The following IGSF11 variants were observed in gnomAD, a reference collection of about 807,000 sequenced individuals.
IGSF11 encodes immunoglobulin superfamily member 11.
IGSF11 carries 22 observed loss-of-function variants against 41.0 expected under a neutral mutation model. The ratio of observed to expected loss-of-function variants is 0.54; its 90% CI spans 0.38 to 0.77. The LOEUF (loss-of-function observed/expected upper bound fraction) is 0.77, where lower values mean the gene tolerates loss of function less well. Among genes scored for constraint, IGSF11 ranks in the 30% least tolerant of loss-of-function variants. The pLI is 0.00. For missense variants in IGSF11, 444 were observed against 530.8 expected (o/e 0.84, Z 1.61); for synonymous variants, 219 against 201.3 (o/e 1.09, Z -0.74).
chr3:118,976,502 G>C (rs528349039), intron 1 of IGSF11, among the ~76,000 whole-genome samples: 2 of 152,272 alleles, frequency 1.3e-5, no homozygotes, highest in South Asian at 4.1e-4. Flanking sequence ...TCTCAAAGTA[G>C]GAATCTACCA....
At chr3:119,074,607 G>A (rs1430502980) in intron 1 of IGSF11, among the ~76,000 whole-genome samples, 1 of 151,228 alleles carries the variant, frequency 6.6e-6, no homozygotes, top group Non-Finnish European at 1.5e-5. Context: ...TGTAATCCCA[G>A]CACTTTGGGA....
chr3:118,982,838 G>A lies in IGSF11; in HGVS notation c.52+51693C>T, dbSNP rs115420846. 7.4e-3 allele frequency among the ~76,000 whole-genome samples: 1,119 copies of A among 152,158 alleles called. 25 individuals are homozygous for A. Among genetic ancestry groups the A allele is most frequent in the African/African-American group, 0.025 (1,047 of 41,506 alleles). On this transcript the variant is annotated intron_variant, in intron 1 of 6. Coordinates refer to ENST00000393775, the MANE Select transcript of IGSF11 (RefSeq NM_001015887.3). ...GCCTTGACAGCACAATGACAAACTC[G>A]CAGCAGTTTTACACAAAGTTTATTT...
chr3:118,933,092 T>C (rs1486330609), intron 1 of IGSF11, among the ~76,000 whole-genome samples: 1 of 152,236 alleles, frequency 6.6e-6, no homozygotes, highest in Non-Finnish European at 1.5e-5. Flanking sequence ...AAAGGCCAAC[T>C]TCACTTACTT....
intron 1 of IGSF11, among the ~76,000 whole-genome samples, chr3:119,101,368 G>C (rs538367948): frequency 9.9e-5 from 15 of 152,150 alleles, no homozygotes; most frequent in Middle Eastern, 3.4e-3. Flanking sequence ...AATTAGCCAA[G>C]CGTGGTGGCG....
Position 119,137,553 on chromosome 3 carries a change from A to G in IGSF11, c.-14+8260T>C, listed in dbSNP as rs1201275911. Among the ~76,000 whole-genome samples the G allele has an allele frequency of 2.0e-5, 3 of 152,296 alleles. No homozygotes were observed. The East Asian group carries it at 5.8e-4, about 29-fold the overall frequency. The stretch of plus-strand genomic sequence containing the variant: ...TGAAACTGGACTCCTATCTCTCACC[A>G]TATAAAAGAATCAAATCAAAATTAA... On this transcript the variant is annotated intron_variant, in intron 1 of 7. Transcript: ENST00000425327.
intron 4 of IGSF11, among the ~76,000 whole-genome samples, chr3:118,916,175 A>G (rs1941064037): frequency 6.6e-6 from 1 of 151,074 alleles, no homozygotes; most frequent in African/African-American, 2.4e-5. Context: ...AAGACCATCG[A>G]GACTAGGAAG....
chr3:118,945,561 C>T (rs1944061501), intron 1 of IGSF11, among the ~76,000 whole-genome samples: 1 of 151,942 alleles, frequency 6.6e-6, no homozygotes, highest in African/African-American at 2.4e-5. Context: ...TAAATGAAAC[C>T]ACAGAGTGCC....
chr3:119,048,274 G>C (rs944529575), intron 1 of IGSF11, among the ~76,000 whole-genome samples: 13 of 151,930 alleles, frequency 8.6e-5, no homozygotes, highest in East Asian at 1.9e-4. Flanking sequence ...GAAAAAAAGA[G>C]AGAAGAATCA....
chr3:118,995,699 C>T (rs556713725), intron 1 of IGSF11, among the ~76,000 whole-genome samples: 1 of 152,126 alleles, frequency 6.6e-6, no homozygotes, highest in Non-Finnish European at 1.5e-5. Flanking sequence ...GTTGCCCAAG[C>T]TGGAGTGCAA....
chr3:119,013,531 A>T (rs750700900), intron 1 of IGSF11, among the ~76,000 whole-genome samples: 2 of 152,228 alleles, frequency 1.3e-5, no homozygotes, highest in Admixed American at 1.3e-4. Context: ...TTTCCCAATG[A>T]ATTTTGGTAA....
Position 118,902,568 on chromosome 3 carries a change from T to G in IGSF11, c.1248A>C (p.Ala416=). The G allele has an allele frequency of 6.2e-7, 1 of 1,608,714 alleles. No individual in the cohort carries two copies. Residue 416 remains alanine (A), a synonymous_variant, in exon 7 of 7, where the codon GCA becomes GCC. Coordinates refer to ENST00000393775, the MANE Select transcript of IGSF11 (RefSeq NM_001015887.3). ...ISHATLERIG[A]VPVMVPAQSR... is the part of the protein sequence containing the mutation. Reference sequence around the variant, plus strand: ...TCTGGGCTGGTACCATGACAGGTACTGCACCAATTCGTTCCAGTGTTGCGT... The same window carrying G: ...TCTGGGCTGGTACCATGACAGGTACGGCACCAATTCGTTCCAGTGTTGCGT...
At chr3:118,948,634 TCCCTGGTTC>T (rs1944337874) in intron 1 of IGSF11, among the ~76,000 whole-genome samples, 1 of 152,090 alleles carries the variant, frequency 6.6e-6, no homozygotes, top group Non-Finnish European at 1.5e-5. Flanking sequence ...AGGGAATTTA[TCCCTGGTTC>T]CTCACGAGAA....
chr3:119,135,081 A>C (rs1413165949), intron 1 of IGSF11, among the ~76,000 whole-genome samples: 2 of 152,270 alleles, frequency 1.3e-5, no homozygotes, highest in East Asian at 3.8e-4. Flanking sequence ...TTAAAGACTT[A>C]AATGTAAGAT....
At chr3:118,986,732 A>G (rs1247138754) in intron 1 of IGSF11, among the ~76,000 whole-genome samples, 1 of 152,242 alleles carries the variant, frequency 6.6e-6, no homozygotes, top group East Asian at 1.9e-4. Context: ...ATGGGTTCAT[A>G]TTGAAATATA....
At chr3:119,083,208 GCCT>G (rs1213177717) in intron 1 of IGSF11, among the ~76,000 whole-genome samples, 2 of 150,238 alleles carry the variant, frequency 1.3e-5, no homozygotes, top group Admixed American at 6.6e-5. Context: ...TCTTGCTGCG[GCCT>G]CGACTTCGTG....
chr3:119,019,219 T>C (rs76136755), intron 1 of IGSF11, among the ~76,000 whole-genome samples: 7,881 of 151,986 alleles, frequency 0.052, 347 homozygotes, highest in Admixed American at 0.15. Flanking sequence ...TCCTTGATTC[T>C]GTGGGATTAG....
chr3:118,969,961 C>T (rs549190404), intron 1 of IGSF11, among the ~76,000 whole-genome samples: 1 of 151,942 alleles, frequency 6.6e-6, no homozygotes, highest in Non-Finnish European at 1.5e-5. Flanking sequence ...CTGTTGGCTA[C>T]ATCCATGTCC....
rs146392924 is a variant in IGSF11 at position 119,019,782 on chromosome 3, G to C, written c.52+14749C>G. Among the ~76,000 whole-genome samples, 33 of 152,260 alleles carry C rather than the reference G, an allele frequency of 2.2e-4. No individual in the cohort carries two copies. The East Asian group carries it at 6.4e-3, about 29-fold the overall frequency. On this transcript the variant is annotated intron_variant, in intron 1 of 6. Coordinates refer to ENST00000393775, the MANE Select transcript of IGSF11 (RefSeq NM_001015887.3). ...TGTTATTGAACAGGAACAGTGGTGGGTGTGTGCAGGTTCCCACCCCTGTAC... is the reference window on the plus strand; with the variant it reads ...TGTTATTGAACAGGAACAGTGGTGGCTGTGTGCAGGTTCCCACCCCTGTAC...
intron 4 of IGSF11, among the ~76,000 whole-genome samples, chr3:118,909,480 T>C (rs1940012531): frequency 6.6e-6 from 1 of 152,264 alleles, no homozygotes; most frequent in African/African-American, 2.4e-5. Context: ...AACTTAAAGA[T>C]GACATCACAA....
Sources: allele counts gnomAD v4.1 joint callset (sites outside exome capture counted in the v4.1 genomes callset), GRCh38; gene constraint gnomAD v4.1.1; transcripts MANE v1.5; gene names NCBI Gene and HGNC (gene_info 2026-07-23, HGNC 2026-07-21).